The following EEIG2 variants were observed in gnomAD, a reference collection of about 807,000 sequenced individuals.
EEIG2 encodes the protein family with sequence similarity 102 member B.
At chr1:108,572,664 G>A in the EEIG2 span, among the ~76,000 whole-genome samples, 1 of 152,114 alleles carries the variant, frequency 6.6e-6, no homozygotes. Flanking sequence ...CGCCCAGGCT[G>A]GAGTGCAATG....
chr1:108,568,787 C>G, the EEIG2 span, among the ~76,000 whole-genome samples: 1 of 152,164 alleles, frequency 6.6e-6, no homozygotes, highest in African/African-American at 2.4e-5. Context: ...TGGCTCACCC[C>G]ACATCCGAAT....
chr1:108,560,122 AGGCGGCGGC>A, the EEIG2 span: 1,565 of 174,570 alleles, frequency 9.0e-3, 36 homozygotes, highest in East Asian at 0.048. Flanking sequence ...GCGGCGGCGG[AGGCGGCGGC>A]GGCGGCGGCG....
chr1:108,625,735 C>G, the EEIG2 span: 1 of 152,774 alleles, frequency 6.5e-6, no homozygotes, highest in African/African-American at 2.4e-5. Flanking sequence ...TCTCTTCCCC[C>G]ACTCTGCCCC....
the EEIG2 span, chr1:108,600,713 C>T: frequency 1.3e-6 from 2 of 1,584,290 alleles, no homozygotes; most frequent in Non-Finnish European, 1.7e-6. Flanking sequence ...TTACTTCTTC[C>T]CTTTCAGAAA....
At chr1:108,599,775 T>C in the EEIG2 span, among the ~76,000 whole-genome samples, 1 of 152,222 alleles carries the variant, frequency 6.6e-6, no homozygotes, top group Admixed American at 6.5e-5. Flanking sequence ...GTGGATTACC[T>C]GAGGTCAGGA....
At chr1:108,632,036 C>A in the EEIG2 span, among the ~76,000 whole-genome samples, 1 of 146,422 alleles carries the variant, frequency 6.8e-6, no homozygotes, top group Non-Finnish European at 1.5e-5. Flanking sequence ...ATCACTTGAA[C>A]CCAGGAGGTG....
the EEIG2 span, among the ~76,000 whole-genome samples, chr1:108,619,890 A>G: frequency 6.6e-5 from 10 of 152,228 alleles, no homozygotes; most frequent in Admixed American, 5.9e-4. Flanking sequence ...ACCTGTTTCA[A>G]AAATAAAGCA....
chr1:108,580,685 T>C, the EEIG2 span, among the ~76,000 whole-genome samples: 1 of 111,798 alleles, frequency 8.9e-6, no homozygotes, highest in African/African-American at 5.4e-5. Flanking sequence ...TAAACCAAAT[T>C]CCCTTAAGCC....
chr1:108,579,772 T>TGTGTGTGTGTGTGA, the EEIG2 span, among the ~76,000 whole-genome samples: 1 of 58,822 alleles, frequency 1.7e-5, no homozygotes, highest in African/African-American at 6.5e-5. Context: ...TGTGTGTGTG[T>TGTGTGTGTGTGTGA]GAGAGAGAGA....
the EEIG2 span, among the ~76,000 whole-genome samples, chr1:108,595,088 G>A: frequency 5.3e-5 from 8 of 152,086 alleles, no homozygotes; most frequent in Admixed American, 1.3e-4. Context: ...TAACATATAC[G>A]ATTAGGCATG....
the EEIG2 span, chr1:108,627,986 A>G: frequency 1.7e-6 from 1 of 575,418 alleles, no homozygotes; most frequent in Non-Finnish European, 3.2e-6. Context: ...GTATTTAAAT[A>G]CTTTGTATAT....
chr1:108,580,858 G>C, the EEIG2 span, among the ~76,000 whole-genome samples: 1 of 152,194 alleles, frequency 6.6e-6, no homozygotes, highest in Non-Finnish European at 1.5e-5. Flanking sequence ...TAAGAGCGCA[G>C]CAACTTATCC....
At chr1:108,579,590 C>G in the EEIG2 span, among the ~76,000 whole-genome samples, 19 of 150,822 alleles carry the variant, frequency 1.3e-4, no homozygotes, top group Non-Finnish European at 2.1e-4. Context: ...CCAAGCGGAC[C>G]TAATAGACAT....
the EEIG2 span, chr1:108,612,434 G>C: frequency 3.6e-6 from 2 of 553,330 alleles, no homozygotes; most frequent in African/African-American, 1.9e-5. Flanking sequence ...TCATCACTTA[G>C]GGAAAAACCC....
chr1:108,618,241 G>A, the EEIG2 span, among the ~76,000 whole-genome samples: 1 of 152,192 alleles, frequency 6.6e-6, no homozygotes, highest in Non-Finnish European at 1.5e-5. Flanking sequence ...GAGGAAGGCA[G>A]AGAACATGGC....
chr1:108,598,985 G>A, the EEIG2 span, among the ~76,000 whole-genome samples: 1 of 151,920 alleles, frequency 6.6e-6, no homozygotes, highest in Non-Finnish European at 1.5e-5. Context: ...GGATAACATA[G>A]AGAGACCCAT....
chr1:108,628,385 T>C, the EEIG2 span: 2 of 1,612,988 alleles, frequency 1.2e-6, no homozygotes, highest in Non-Finnish European at 1.7e-6. Context: ...AAGGTGATTT[T>C]CTCTGACAGG....
the EEIG2 span, among the ~76,000 whole-genome samples, chr1:108,634,204 G>A: frequency 1.3e-5 from 2 of 152,162 alleles, no homozygotes; most frequent in Non-Finnish European, 2.9e-5. Context: ...GCCCACCATG[G>A]TTTCTTCAAA....
At chr1:108,567,657 C>T in the EEIG2 span, among the ~76,000 whole-genome samples, 1 of 152,150 alleles carries the variant, frequency 6.6e-6, no homozygotes, top group Non-Finnish European at 1.5e-5. Context: ...GTTACAAGAC[C>T]TGGCCCCTTT....
Sources: allele counts gnomAD v4.1 joint callset (sites outside exome capture counted in the v4.1 genomes callset), GRCh38; gene constraint gnomAD v4.1.1; transcripts MANE v1.5; gene names NCBI Gene and HGNC (gene_info 2026-07-23, HGNC 2026-07-21).